The following CNTNAP3 variants were observed in gnomAD, a reference collection of about 807,000 sequenced individuals.
The protein encoded by CNTNAP3 is contactin associated protein family member 3.
In CNTNAP3, 36 loss-of-function variants were observed where a neutral mutation model predicts 92.1. The observed-to-expected ratio is 0.39, with a 90% CI of 0.30 to 0.52. CNTNAP3 has a LOEUF of 0.52. Among genes scored for constraint, CNTNAP3 ranks in the 20% least tolerant of loss-of-function variants. The pLI, the probability that CNTNAP3 is intolerant of heterozygous loss-of-function variation, is 0.76. For synonymous variants in CNTNAP3, 232 were observed against 422.3 expected (o/e 0.55, Z 5.53); for missense variants, 534 against 1,069.6 (o/e 0.50, Z 6.98).
Position 39,073,715 on chromosome 9 carries a change from GCAGGTCTTCAGC to G in CNTNAP3, c.*163_*174del, listed in dbSNP as rs1825680039. 6.5e-7 allele frequency: 1 copy of G among 1,532,668 alleles called. No homozygotes were observed. The highest frequency in any genetic ancestry group is 1.4e-5 in the African/African-American group (1 of 73,070). The allele number at this position is 1,532,668 out of a possible 1,614,324, so 94.9% of individuals were successfully genotyped here. Reference sequence around the variant, plus strand: ...GGGACCTCCCAGAGGCTCCGAGGCTGCAGGTCTTCAGCCAGGTGACAGCACTGCACCTGCTTG... The same window carrying G: ...GGGACCTCCCAGAGGCTCCGAGGCTGCAGGTGACAGCACTGCACCTGCTTG... On this transcript the variant is annotated 3_prime_UTR_variant, in exon 24 of 24. Coordinates refer to ENST00000297668, the MANE Select transcript of CNTNAP3 (RefSeq NM_033655.5).
chr9:39,124,917 A>T (rs1282776872), intron 13 of CNTNAP3, among the ~76,000 whole-genome samples: 1 of 152,016 alleles, frequency 6.6e-6, no homozygotes, highest in African/African-American at 2.4e-5. Flanking sequence ...GTGGGACTGT[A>T]AACTAGTTCA....
At chr9:39,287,929 A>C (rs1361897492) in intron 1 of CNTNAP3, 51 bp downstream of exon 1, 1 of 292,624 alleles carries the variant, frequency 3.4e-6, no homozygotes, top group South Asian at 3.4e-5. Flanking sequence ...AAAAAAAAAC[A>C]AAGTTTTCCA....
intron 22 of CNTNAP3, 115 bp from the exon 23 acceptor site, chr9:39,078,571 T>G (rs1375986888): frequency 2.6e-6 from 4 of 1,549,364 alleles, no homozygotes; most frequent in Non-Finnish European, 3.5e-6. Flanking sequence ...CACAAAAATG[T>G]ATTTTAAAAA....
In CNTNAP3 at chr9:39,077,930, G is replaced by T. The variant is rs919618493; in HGVS notation, c.3745+455C>A. 7.2e-5 allele frequency among the ~76,000 whole-genome samples: 11 copies of T among 152,280 alleles called. No individual in the cohort carries two copies. The East Asian group carries it at 1.9e-3, about 27-fold the overall frequency. Reference sequence around the variant, plus strand: ...GCCTTAGAAAATCAACGAAGGCCGGGCATGGTGGCTCACGCCTGTGATCTC... The same window carrying T: ...GCCTTAGAAAATCAACGAAGGCCGGTCATGGTGGCTCACGCCTGTGATCTC... On this transcript the variant is annotated intron_variant, in intron 23 of 23. Coordinates refer to ENST00000297668, the MANE Select transcript of CNTNAP3 (RefSeq NM_033655.5).
chr9:39,068,510 A>T lies in CNTNAP3; in HGVS notation c.*5380T>A, dbSNP rs1224319549. Among the ~76,000 whole-genome samples the T allele has an allele frequency of 1.3e-5, 2 of 152,244 alleles. No homozygotes were observed. Among genetic ancestry groups the T allele is most frequent in the Non-Finnish European group, 2.9e-5 (2 of 68,046 alleles). On this transcript the variant is annotated 3_prime_UTR_variant, in exon 24 of 24. Transcript: ENST00000297668. Reference sequence around the variant, plus strand: ...TGTTTAAAAAGATTCCTTGAGGTCAATAATAATTTTTTAAAGGTTGATAAA... The same window carrying T: ...TGTTTAAAAAGATTCCTTGAGGTCATTAATAATTTTTTAAAGGTTGATAAA...
intron 13 of CNTNAP3, among the ~76,000 whole-genome samples, chr9:39,124,816 TCACACCA>T (rs1821118385): frequency 6.6e-6 from 1 of 152,178 alleles, no homozygotes; most frequent in Non-Finnish European, 1.5e-5. Flanking sequence ...AGATACCATT[TCACACCA>T]GTTAGAATGA....
intron 18 of CNTNAP3, among the ~76,000 whole-genome samples, chr9:39,093,774 G>T (rs1826266867): frequency 1.3e-5 from 2 of 151,304 alleles, no homozygotes; most frequent in Non-Finnish European, 3.0e-5. Flanking sequence ...ATGTGTTGAT[G>T]GACACTTGTA....
intron 18 of CNTNAP3, among the ~76,000 whole-genome samples, chr9:39,089,150 C>T (rs1440964525): frequency 1.3e-5 from 2 of 152,144 alleles, no homozygotes; most frequent in Admixed American, 6.5e-5. Flanking sequence ...TCCCCTCCCC[C>T]GAGCACCTTC....
At chr9:39,123,571 GTTAAATACAAAAA>G (rs1163459489) in intron 13 of CNTNAP3, among the ~76,000 whole-genome samples, 2 of 151,762 alleles carry the variant, frequency 1.3e-5, no homozygotes, top group Non-Finnish European at 2.9e-5. Flanking sequence ...CACCAAGCAG[GTTAAATACAAAAA>G]AATCCACACC....
At chr9:39,099,068 G>A (rs576473570) in intron 18 of CNTNAP3, among the ~76,000 whole-genome samples, 91 of 151,746 alleles carry the variant, frequency 6.0e-4, no homozygotes, top group African/African-American at 2.1e-3. Context: ...TCTGCCTCCC[G>A]GGTTCAAGCA....
chr9:39,080,660 C>CTTT (rs774669701), intron 21 of CNTNAP3, among the ~76,000 whole-genome samples: 454 of 90,872 alleles, frequency 5.0e-3, no homozygotes, highest in Non-Finnish European at 7.1e-3. Flanking sequence ...TAGGGCAGAC[C>CTTT]TTTTTTTTTT....
At chr9:39,146,054 A>G (rs1268953076) in intron 10 of CNTNAP3, among the ~76,000 whole-genome samples, 4 of 151,938 alleles carry the variant, frequency 2.6e-5, no homozygotes, top group Non-Finnish European at 1.5e-5. Flanking sequence ...AAATATTTGG[A>G]AATAAGAACT....
chr9:39,112,588 A>C (rs1478486701), intron 14 of CNTNAP3, among the ~76,000 whole-genome samples: 2 of 152,028 alleles, frequency 1.3e-5, no homozygotes, highest in Non-Finnish European at 2.9e-5. Flanking sequence ...CTGGTCTCGA[A>C]CTCCTGACTT....
rs886427061 is a variant in CNTNAP3, at chr9:39,065,721, G to A, written c.*8169C>T. 2.3e-4 allele frequency among the ~76,000 whole-genome samples: 35 copies of A among 152,326 alleles called. No individual in the cohort carries two copies. The highest frequency in any genetic ancestry group is 1.2e-3 in the East Asian group (6 of 5,190). The stretch of plus-strand genomic sequence containing the variant: ...ATTTGCATTTCCTTAATGACAAAAC[G>A]ATATTGAACATTTTTGTGTGCTTTT... On this transcript the variant is annotated 3_prime_UTR_variant, in exon 24 of 24. Coordinates refer to ENST00000297668, the MANE Select transcript of CNTNAP3 (RefSeq NM_033655.5).
chr9:39,124,507 A>T (rs1207286472), intron 13 of CNTNAP3, among the ~76,000 whole-genome samples: 1 of 152,118 alleles, frequency 6.6e-6, no homozygotes, highest in Non-Finnish European at 1.5e-5. Context: ...CAAAATTGAC[A>T]AATGGGATCT....
Position 39,073,577 on chromosome 9 carries a change from C to T in CNTNAP3, c.*313G>A, listed in dbSNP as rs2118349948. Reference sequence around the variant, plus strand: ...ACAATTATTAACACAGATCAAACTGCAGTTTTGGAAGAGAGCCTTTGGACG... The same window carrying T: ...ACAATTATTAACACAGATCAAACTGTAGTTTTGGAAGAGAGCCTTTGGACG... On this transcript the variant is annotated 3_prime_UTR_variant, in exon 24 of 24. Coordinates refer to ENST00000297668, the MANE Select transcript of CNTNAP3 (RefSeq NM_033655.5). 1 of 560,788 alleles carries T rather than the reference C, an allele frequency of 1.8e-6. No individual in the cohort carries two copies. The highest frequency in any genetic ancestry group is 3.1e-5 in the East Asian group (1 of 32,164). 34.7% of individuals were successfully genotyped at this position (560,788 alleles called of 1,614,324 possible).
chr9:39,142,716 G>A (rs979483925), intron 11 of CNTNAP3, among the ~76,000 whole-genome samples: 2 of 151,696 alleles, frequency 1.3e-5, no homozygotes, highest in Admixed American at 1.3e-4. Context: ...TATAAACAGG[G>A]ACCCTTCTAG....
chr9:39,093,309 T>C (rs1179846201), intron 18 of CNTNAP3, among the ~76,000 whole-genome samples: 1 of 146,862 alleles, frequency 6.8e-6, no homozygotes, highest in Non-Finnish European at 1.5e-5. Context: ...TATTATTTTG[T>C]GTTGGTGGAT....
At chr9:39,175,234 TGC>T (rs1822316460) in intron 7 of CNTNAP3, among the ~76,000 whole-genome samples, 1 of 91,286 alleles carries the variant, frequency 1.1e-5, no homozygotes, top group Non-Finnish European at 2.0e-5. Context: ...ACAAAAAAAG[TGC>T]GCCTGTGGTC....
Sources: allele counts gnomAD v4.1 joint callset (sites outside exome capture counted in the v4.1 genomes callset), GRCh38; gene constraint gnomAD v4.1.1; transcripts MANE v1.5; gene names NCBI Gene and HGNC (gene_info 2026-07-23, HGNC 2026-07-21).